Variants in ERVH48-1 observed in about 807,000 individuals in gnomAD.
The protein encoded by ERVH48-1 is suppressyn.
ERVH48-1 carries 4 observed loss-of-function variants against 2.4 expected under a neutral mutation model. The observed-to-expected ratio is 1.68, with a 90% CI of 0.83 to 3.84. The LOEUF is 3.84. ERVH48-1 is among the 30% of genes most tolerant of loss of function. ERVH48-1 has a pLI of 0.01. For missense variants in ERVH48-1, 97 were observed against 43.4 expected, an observed-to-expected ratio of 2.23 and a Z score of -3.47; for synonymous variants, 32 against 15.5, an observed-to-expected ratio of 2.06 and a Z score of -2.49.
rs891200970 is a variant in ERVH48-1, at chr21:42,917,258, C to T, written c.*1266G>A. 1 of 152,164 alleles carries T rather than the reference C, an allele frequency of 6.6e-6. No homozygotes were observed. The highest frequency in any genetic ancestry group is 2.4e-5 in the African/African-American group (1 of 41,432). 9.4% of individuals were successfully genotyped at this position (152,164 alleles called of 1,614,324 possible). ...TCTTGAGAGACGGGTTGGTATCCAT[C>T]GTGCCGCTGTAGCAGGAGCATCATC... On this transcript the variant is annotated 3_prime_UTR_variant, in exon 2 of 2. Coordinates refer to ENST00000447535, the MANE Select transcript of ERVH48-1 (RefSeq NM_001308491.2).
intron 1 of ERVH48-1, among the ~76,000 whole-genome samples, chr21:42,922,739 CAAAAAAAAAA>C (rs35066156): frequency 1.5e-4 from 7 of 48,196 alleles, no homozygotes; most frequent in Non-Finnish European, 1.1e-4. Flanking sequence ...GACTCCGTCT[CAAAAAAAAAA>C]AAAAAAAAAA....
intron 1 of ERVH48-1, among the ~76,000 whole-genome samples, chr21:42,921,451 T>C (rs895925116): frequency 5.9e-5 from 9 of 151,970 alleles, no homozygotes; most frequent in African/African-American, 1.9e-4. Flanking sequence ...GGATATGTGG[T>C]CTGTTATGAG....
In ERVH48-1 at chr21:42,917,506, C is replaced by T. The variant is rs1568865482; in HGVS notation, c.*1018G>A. On this transcript the variant is annotated 3_prime_UTR_variant, in exon 2 of 2. Transcript: ENST00000447535. ...CTGATGTTTGAAGCGATTTCCAGAA[C>T]CTCTTCTCCATTATTGCCTATGTTA... 1 of 152,312 alleles carries T rather than the reference C, an allele frequency of 6.6e-6. No homozygotes were observed. The highest frequency in any genetic ancestry group is 1.9e-4 in the East Asian group (1 of 5,194). 9.4% of individuals were successfully genotyped at this position (152,312 alleles called of 1,614,324 possible).
In ERVH48-1 at chr21:42,919,016, C is replaced by T. The variant is rs1283761217; in HGVS notation, c.-10G>A. On this transcript the variant is annotated 5_prime_UTR_variant, in exon 2 of 2. Coordinates refer to ENST00000447535, the MANE Select transcript of ERVH48-1 (RefSeq NM_001308491.2). ...GGTAGATACAGGCCATTCCTGGAAG[C>T]ACGTGGTTAGTCTTCCTTGTGTTTT... is the stretch of plus-strand genomic sequence containing the variant. 2 of 1,231,670 alleles carry T rather than the reference C, an allele frequency of 1.6e-6. No homozygotes were observed. Among genetic ancestry groups the T allele is most frequent in the African/African-American group, 1.6e-5 (1 of 64,360 alleles). The allele number at this position is 1,231,670 out of a possible 1,614,324, so 76.3% of individuals were successfully genotyped here.
chr21:42,922,942 T>C (rs2058810838), intron 1 of ERVH48-1, among the ~76,000 whole-genome samples: 1 of 152,180 alleles, frequency 6.6e-6, no homozygotes, highest in Non-Finnish European at 1.5e-5. Context: ...CATACTGGCC[T>C]ACCTGCCATT....
Position 42,917,679 on chromosome 21 carries a change from G to A in ERVH48-1, c.*845C>T, listed in dbSNP as rs2058792952. 1 of 152,204 alleles carries A rather than the reference G, an allele frequency of 6.6e-6. No homozygotes were observed. The highest frequency in any genetic ancestry group is 2.1e-4 in the South Asian group (1 of 4,832). 9.4% of individuals were successfully genotyped at this position (152,204 alleles called of 1,614,324 possible). ...TTCTAGGGCTGAGGCAGTTTGGTTAGTGATTATCTCTAGAACAGCTTGTAG... is the reference window on the plus strand; with the variant it reads ...TTCTAGGGCTGAGGCAGTTTGGTTAATGATTATCTCTAGAACAGCTTGTAG... On this transcript the variant is annotated 3_prime_UTR_variant, in exon 2 of 2. Coordinates refer to ENST00000447535, the MANE Select transcript of ERVH48-1 (RefSeq NM_001308491.2).
intron 1 of ERVH48-1, among the ~76,000 whole-genome samples, chr21:42,923,143 C>T (rs913767792): frequency 1.3e-5 from 2 of 152,148 alleles, no homozygotes; most frequent in African/African-American, 4.8e-5. Flanking sequence ...AGAGGGGGCA[C>T]GGCCTGGGGG....
intron 1 of ERVH48-1, among the ~76,000 whole-genome samples, chr21:42,920,785 T>A (rs938487609): frequency 6.6e-6 from 1 of 152,152 alleles, no homozygotes; most frequent in Non-Finnish European, 1.5e-5. Flanking sequence ...AAGAAAAGTT[T>A]GAACAGTGTC....
Position 42,917,285 on chromosome 21 carries a change from G to A in ERVH48-1, c.*1239C>T, listed in dbSNP as rs2058791726. 6.6e-6 allele frequency: 1 copy of A among 152,130 alleles called. No homozygotes were observed. The highest frequency in any genetic ancestry group is 1.5e-5 in the Non-Finnish European group (1 of 68,046). The allele number at this position is 152,130 out of a possible 1,614,324, so 9.4% of individuals were successfully genotyped here. On this transcript the variant is annotated 3_prime_UTR_variant, in exon 2 of 2. Coordinates refer to ENST00000447535, the MANE Select transcript of ERVH48-1 (RefSeq NM_001308491.2). ...TGCCGCTGTAGCAGGAGCATCATCT[G>A]GATTGTCAGGAGGTTAACTGTAGTT...
At position 42,918,098 on chromosome 21, in the gene ERVH48-1, T is replaced by C. The variant is rs1463002961; in HGVS notation, c.*426A>G. 5.2e-6 allele frequency: 1 copy of C among 191,688 alleles called. No individual in the cohort carries two copies. The highest frequency in any genetic ancestry group is 1.1e-5 in the Non-Finnish European group (1 of 92,376). The allele number at this position is 191,688 out of a possible 1,614,324, so 11.9% of individuals were successfully genotyped here. A position where few individuals can be genotyped will look rare whatever the true frequency, so the allele number is the denominator to read the frequency against. On this transcript the variant is annotated 3_prime_UTR_variant, in exon 2 of 2. Coordinates refer to ENST00000447535, the MANE Select transcript of ERVH48-1 (RefSeq NM_001308491.2). Reference sequence around the variant, plus strand: ...AGGTATGCGGCATAAGGGTTAGTGGTGTTCGTACAGTACCAGGCCTTTTTT... The same window carrying C: ...AGGTATGCGGCATAAGGGTTAGTGGCGTTCGTACAGTACCAGGCCTTTTTT...
intron 1 of ERVH48-1, among the ~76,000 whole-genome samples, chr21:42,924,624 C>G (rs908040388): frequency 1.3e-5 from 2 of 152,036 alleles, no homozygotes; most frequent in African/African-American, 4.8e-5. Flanking sequence ...CCATTTGGAC[C>G]CACTGTCCAA....
At chr21:42,921,894 G>A (rs955029484) in intron 1 of ERVH48-1, among the ~76,000 whole-genome samples, 2 of 152,168 alleles carry the variant, frequency 1.3e-5, no homozygotes, top group African/African-American at 4.8e-5. Context: ...TTTAGGTCTA[G>A]GACAGAAAAA....
rs2058798331 is a variant in ERVH48-1 at position 42,919,192 on chromosome 21, C to G, written c.-186G>C. 1 of 571,118 alleles carries G rather than the reference C, an allele frequency of 1.8e-6. No homozygotes were observed. The highest frequency in any genetic ancestry group is 3.8e-5 in the Admixed American group (1 of 26,306). The allele number at this position is 571,118 out of a possible 1,614,324, so 35.4% of individuals were successfully genotyped here. A position where few individuals can be genotyped will look rare whatever the true frequency, so the allele number is the denominator to read the frequency against. ...GATCCAGTTGGGGAGTCCTCGGACT[C>G]TCACTGCAGTTGGTGTGCTGAGTAT... On this transcript the variant is annotated 5_prime_UTR_variant, in exon 2 of 2. Coordinates refer to ENST00000447535, the MANE Select transcript of ERVH48-1 (RefSeq NM_001308491.2).
At chr21:42,920,835 A>G (rs1466884844) in intron 1 of ERVH48-1, among the ~76,000 whole-genome samples, 2 of 152,192 alleles carry the variant, frequency 1.3e-5, no homozygotes, top group African/African-American at 2.4e-5. Context: ...TAGTGGCTTC[A>G]GGTAAGAGTG....
chr21:42,924,263 T>C (rs191826386), intron 1 of ERVH48-1, among the ~76,000 whole-genome samples: 1 of 151,464 alleles, frequency 6.6e-6, no homozygotes, highest in East Asian at 1.9e-4. Context: ...GAGGAGAGGA[T>C]GGTGTAGGAA....
At chr21:42,923,697 G>A (rs2058813348) in intron 1 of ERVH48-1, among the ~76,000 whole-genome samples, 1 of 152,186 alleles carries the variant, frequency 6.6e-6, no homozygotes, top group African/African-American at 2.4e-5. Flanking sequence ...AATCCCAGTG[G>A]GGGTCCTGGC....
rs1161332124 is a variant in ERVH48-1 at position 42,917,298 on chromosome 21, G to C, written c.*1226C>G. The C allele has an allele frequency of 2.0e-5, 3 of 152,170 alleles. No homozygotes were observed. 9.4% of individuals were successfully genotyped at this position (152,170 alleles called of 1,614,324 possible). ...GGAGCATCATCTGGATTGTCAGGAG[G>C]TTAACTGTAGTTTCAACAAGAGTTT... On this transcript the variant is annotated 3_prime_UTR_variant, in exon 2 of 2. Transcript: ENST00000447535.
At position 42,917,272 on chromosome 21, in the gene ERVH48-1, A is replaced by G. The variant is rs145998094; in HGVS notation, c.*1252T>C. 1.3e-5 allele frequency: 2 copies of G among 152,352 alleles called. No homozygotes were observed. The highest frequency in any genetic ancestry group is 6.5e-5 in the Admixed American group (1 of 15,300). 9.4% of individuals were successfully genotyped at this position (152,352 alleles called of 1,614,324 possible). A position where few individuals can be genotyped will look rare whatever the true frequency, so the allele number is the denominator to read the frequency against. ...TTGGTATCCATCGTGCCGCTGTAGC[A>G]GGAGCATCATCTGGATTGTCAGGAG... On this transcript the variant is annotated 3_prime_UTR_variant, in exon 2 of 2. Coordinates refer to ENST00000447535, the MANE Select transcript of ERVH48-1 (RefSeq NM_001308491.2).
At chr21:42,922,722 A>G (rs2058809817) in intron 1 of ERVH48-1, among the ~76,000 whole-genome samples, 2 of 142,576 alleles carry the variant, frequency 1.4e-5, no homozygotes, top group African/African-American at 2.6e-5. Flanking sequence ...CCTGGGAGAC[A>G]GAGCCAGACT....
Sources: allele counts gnomAD v4.1 joint callset (sites outside exome capture counted in the v4.1 genomes callset), GRCh38; gene constraint gnomAD v4.1.1; transcripts MANE v1.5; gene names NCBI Gene and HGNC (gene_info 2026-07-23, HGNC 2026-07-21).